Variants in CCDC27 observed in about 807,000 individuals in gnomAD.
CCDC27 encodes coiled-coil domain-containing protein 27.
Under a neutral mutation model 80.3 loss-of-function variants are expected in CCDC27, and 80 were observed. The observed-to-expected ratio is 1.00, with a 90% CI of 0.83 to 1.20. CCDC27 has a LOEUF of 1.20. CCDC27 is among the 50% of genes most tolerant of loss of function. The pLI is 0.00. For missense variants in CCDC27, 815 were observed against 809.4 expected (o/e 1.01, Z -0.08); for synonymous variants, 342 against 334.3 (o/e 1.02, Z -0.25).
chr1:3,753,994 C>G (rs113773249), intron 1 of CCDC27, 124 bp from the exon 2 acceptor site: 4 of 1,401,384 alleles, frequency 2.9e-6, no homozygotes, highest in African/African-American at 2.9e-5. Context: ...CATCTACATA[C>G]GACTCATAGG....
At position 3,767,373 on chromosome 1, in the gene CCDC27, G is replaced by C. The variant is rs1370846986; in HGVS notation, c.1671G>C (p.Leu557Phe). Residue 557 changes from leucine to phenylalanine, a missense_variant, in exon 10 of 12, where the codon TTG becomes TTC. Physicochemically the swap from Leu to Phe is conservative, Grantham distance 22. Coordinates refer to ENST00000294600, the MANE Select transcript of CCDC27 (RefSeq NM_152492.3). ...GGTGGAAGCAGCTGCAGGAGGATTT[G>C]CAGAGCAAGAAGGAGATGATTCAGC... Reference protein sequence around the residue: ...LQRWKQLQEDLQSKKEMIQQA... With the variant: ...LQRWKQLQEDFQSKKEMIQQA... The C allele has an allele frequency of 6.2e-7, 1 of 1,613,916 alleles. No homozygotes were observed. The highest frequency in any genetic ancestry group is 8.5e-7 in the Non-Finnish European group (1 of 1,180,040).
rs546026463 is a variant in CCDC27 at position 3,759,039 on chromosome 1, T to G, written c.711+2149T>G. 8.9e-5 allele frequency among the ~76,000 whole-genome samples: 13 copies of G among 145,638 alleles called. No individual in the cohort carries two copies. The East Asian group carries it at 2.1e-3, about 24-fold the overall frequency. On this transcript the variant is annotated intron_variant, in intron 4 of 11. Coordinates refer to ENST00000294600, the MANE Select transcript of CCDC27 (RefSeq NM_152492.3). ...GCCTGGCCAACATAGTGAAACCTCATCTCTACTAAAAATACAAAAAAAAAA... is the reference window on the plus strand; with the variant it reads ...GCCTGGCCAACATAGTGAAACCTCAGCTCTACTAAAAATACAAAAAAAAAA...
At position 3,769,907 on chromosome 1, in the gene CCDC27, T is replaced by C; in HGVS notation, c.1848+20T>C. 1 of 1,590,736 alleles carries C rather than the reference T, an allele frequency of 6.3e-7. No individual in the cohort carries two copies. On this transcript the variant is annotated intron_variant, in intron 11 of 11. Transcript: ENST00000294600. This position sits in a 1 kb window ranked among gnomAD's most constrained non-coding sequence, Gnocchi z 4.6. ...CTGCAGGTATACCCCTAAGCTCAGCTGCCTCTATCCGGGCCCCAGACCCCC... is the reference window on the plus strand; with the variant it reads ...CTGCAGGTATACCCCTAAGCTCAGCCGCCTCTATCCGGGCCCCAGACCCCC...
At position 3,761,209 on chromosome 1, in the gene CCDC27, G is replaced by A. The variant is rs1212233504; in HGVS notation, c.712-72G>A. 4 of 1,555,394 alleles carry A rather than the reference G, an allele frequency of 2.6e-6. No homozygotes were observed. Among genetic ancestry groups the A allele is most frequent in the Non-Finnish European group, 3.5e-6 (4 of 1,145,824 alleles). ...ACAGCAGATCTGCTCCTCCTGGGTGGGCTGGAGGCAGGTCAGGGGAAGAGT... is the reference window on the plus strand; with the variant it reads ...ACAGCAGATCTGCTCCTCCTGGGTGAGCTGGAGGCAGGTCAGGGGAAGAGT... On this transcript the variant is annotated intron_variant, in intron 4 of 11. Coordinates refer to ENST00000294600, the MANE Select transcript of CCDC27 (RefSeq NM_152492.3). The surrounding 1 kb of genome is among the most constrained non-coding windows in gnomAD (Gnocchi z 5.0).
Position 3,761,505 on chromosome 1 carries a change from C to T in CCDC27, c.861+75C>T. On this transcript the variant is annotated intron_variant, in intron 5 of 11. Coordinates refer to ENST00000294600, the MANE Select transcript of CCDC27 (RefSeq NM_152492.3). The surrounding 1 kb of genome is among the most constrained non-coding windows in gnomAD (Gnocchi z 5.0). ...TCAAAGCGTCCAAAGCTGCTAGTGA[C>T]ACACAGGCCCCTGGCAAACCCCCAG... 1.3e-6 allele frequency: 2 copies of T among 1,530,818 alleles called. No homozygotes were observed. The highest frequency in any genetic ancestry group is 4.6e-5 in the East Asian group (2 of 43,786). The allele number at this position is 1,530,818 out of a possible 1,614,324, so 94.8% of individuals were successfully genotyped here. A position where few individuals can be genotyped will look rare whatever the true frequency, so the allele number is the denominator to read the frequency against.
chr1:3,763,450 A>G lies in CCDC27; in HGVS notation c.1297A>G (p.Arg433Gly). 6.2e-7 allele frequency: 1 copy of G among 1,607,740 alleles called. No homozygotes were observed. Among genetic ancestry groups the G allele is most frequent in the Non-Finnish European group, 8.5e-7 (1 of 1,177,462 alleles). Residue 433 changes from arginine (R) to glycine (G), a missense_variant, in exon 7 of 12, where the codon AGG becomes GGG. Transcript: ENST00000294600. This position sits in a 1 kb window ranked among gnomAD's most constrained non-coding sequence, Gnocchi z 7.5. ...CTTCCAGTTCAACCTGGAGGCCACC[A>G]GGACCAGATACTCCCTTGCAACAGG... The part of the protein sequence containing the change: ...LDFQFNLEAT[R>G]TRYSLATGVI...
At chr1:3,770,154 CA>C (rs1643326566) in intron 11 of CCDC27, among the ~76,000 whole-genome samples, 1 of 152,212 alleles carries the variant, frequency 6.6e-6, no homozygotes, top group African/African-American at 2.4e-5. Flanking sequence ...GTAACTGCCA[CA>C]ACCCATCCTG....
At chr1:3,770,627 C>T (rs1183108463) in intron 11 of CCDC27, among the ~76,000 whole-genome samples, 1 of 152,220 alleles carries the variant, frequency 6.6e-6, no homozygotes, top group Admixed American at 6.5e-5. Context: ...ACCCACACTT[C>T]ACCCTCTGGG....
chr1:3,760,183 G>T lies in CCDC27; in HGVS notation c.712-1098G>T, dbSNP rs1258473462. On this transcript the variant is annotated intron_variant, in intron 4 of 11. Coordinates refer to ENST00000294600, the MANE Select transcript of CCDC27 (RefSeq NM_152492.3). This position sits in a 1 kb window ranked among gnomAD's most constrained non-coding sequence, Gnocchi z 4.3. ...GTCTCGGGACCATGGCTTGGGTGAT[G>T]AAATGTGATTTCTGCACTTTTTTTT... Among the ~76,000 whole-genome samples, 1 of 152,186 alleles carries T rather than the reference G, an allele frequency of 6.6e-6. No homozygotes were observed. The highest frequency in any genetic ancestry group is 1.5e-5 in the Non-Finnish European group (1 of 68,026).
chr1:3,759,844 C>A (rs1215062729), intron 4 of CCDC27, among the ~76,000 whole-genome samples: 1 of 152,166 alleles, frequency 6.6e-6, no homozygotes, highest in East Asian at 1.9e-4. Context: ...TATCATTAGC[C>A]AAGAGTCAGG....
In CCDC27 at chr1:3,767,384, A is replaced by G. The variant is rs779562493; in HGVS notation, c.1682A>G (p.Lys561Arg). 6.2e-7 allele frequency: 1 copy of G among 1,613,824 alleles called. No homozygotes were observed. The highest frequency in any genetic ancestry group is 8.5e-7 in the Non-Finnish European group (1 of 1,180,030). ...CTGCAGGAGGATTTGCAGAGCAAGA[A>G]GGAGATGATTCAGCAGGCAGAGCAG... is the stretch of plus-strand genomic sequence containing the variant. ...KQLQEDLQSK[K>R]EMIQQAEQHT... Residue 561 changes from lysine to arginine, a missense_variant, in exon 10 of 12, where the codon AAG becomes AGG. By Grantham distance (26) the Lys-to-Arg change is conservative. Coordinates refer to ENST00000294600, the MANE Select transcript of CCDC27 (RefSeq NM_152492.3).
At chr1:3,758,724 T>A (rs1400791478) in intron 4 of CCDC27, among the ~76,000 whole-genome samples, 2 of 152,160 alleles carry the variant, frequency 1.3e-5, no homozygotes, top group Non-Finnish European at 2.9e-5. Context: ...GCCTCTCGAA[T>A]AGCTGGGACC....
chr1:3,753,308 T>TTTTTTC (rs1427585792), intron 1 of CCDC27, among the ~76,000 whole-genome samples: 65 of 143,438 alleles, frequency 4.5e-4, no homozygotes, highest in South Asian at 6.7e-4. Context: ...TATGGTTTCT[T>TTTTTTC]TTTTTCTTTT....
At chr1:3,757,435 T>G (rs183196002) in intron 4 of CCDC27, among the ~76,000 whole-genome samples, 209 of 151,806 alleles carry the variant, frequency 1.4e-3, no homozygotes, top group Non-Finnish European at 1.8e-3. Context: ...TTTATTATTA[T>G]TATTAGTAGT....
At chr1:3,756,687 G>C (rs770539206) in intron 3 of CCDC27, 46 bp from the exon 4 acceptor site, 1 of 1,606,426 alleles carries the variant, frequency 6.2e-7, no homozygotes, top group South Asian at 1.1e-5. Flanking sequence ...GAGGAGCTCG[G>C]CAGGGAAGGG....
Position 3,756,646 on chromosome 1 carries a change from G to A in CCDC27, c.554-87G>A, listed in dbSNP as rs564480398. On this transcript the variant is annotated intron_variant, in intron 3 of 11. Coordinates refer to ENST00000294600, the MANE Select transcript of CCDC27 (RefSeq NM_152492.3). ...GATAGGGGTTTCCGAGGGAAGTCTC[G>A]GAAGGGTGGATGTCGTCATCGAAGA... 1.6e-5 allele frequency: 24 copies of A among 1,456,200 alleles called. No homozygotes were observed. The African/African-American group carries it at 2.5e-4, about 15-fold the overall frequency. The allele number at this position is 1,456,200 out of a possible 1,614,324, so 90.2% of individuals were successfully genotyped here.
In CCDC27 at chr1:3,763,728, A is replaced by G; in HGVS notation, c.1344A>G (p.Gln448=). The part of the protein sequence containing the change: ...LATGVIASLQ[Q]QVDFQETQLR... ...CAGGAGTGATTGCGTCTTTACAACA[A>G]CAAGTGGATTTCCAAGAAACCCAGC... Residue 448 remains glutamine (Q), a synonymous_variant, in exon 8 of 12, where the codon CAA becomes CAG. Coordinates refer to ENST00000294600, the MANE Select transcript of CCDC27 (RefSeq NM_152492.3). The surrounding 1 kb of genome is among the most constrained non-coding windows in gnomAD (Gnocchi z 7.5). 4.3e-6 allele frequency: 7 copies of G among 1,614,080 alleles called. No individual in the cohort carries two copies. Among genetic ancestry groups the G allele is most frequent in the Non-Finnish European group, 5.9e-6 (7 of 1,179,958 alleles).
chr1:3,771,092 G>A (rs549001702), intron 11 of CCDC27, among the ~76,000 whole-genome samples: 15 of 152,174 alleles, frequency 9.9e-5, no homozygotes, highest in African/African-American at 3.6e-4. Context: ...AGGCTTCTGC[G>A]GGCTGGTGGT....
chr1:3,756,951 G>A (rs1242992636), intron 4 of CCDC27, 61 bp downstream of exon 4: 1 of 1,545,974 alleles, frequency 6.5e-7, no homozygotes, highest in Non-Finnish European at 8.8e-7. Flanking sequence ...CCGGCTGGGA[G>A]GACAGCCCTG....
Sources: allele counts gnomAD v4.1 joint callset (sites outside exome capture counted in the v4.1 genomes callset), GRCh38; gene constraint gnomAD v4.1.1; non-coding constraint Gnocchi (gnomAD v3.1); transcripts MANE v1.5; gene names NCBI Gene and HGNC (gene_info 2026-07-23, HGNC 2026-07-21).